The following PABPC4L variants were observed in gnomAD, a reference collection of about 807,000 sequenced individuals.
The protein encoded by PABPC4L is poly(A) binding protein cytoplasmic 4 like.
For missense variants in PABPC4L, 452 were observed against 451.4 expected (o/e 1.00, Z -0.01); for synonymous variants, 169 against 164.1 (o/e 1.03, Z -0.23).
chr4:134,101,621 T>C, the PABPC4L span, among the ~76,000 whole-genome samples: 1 of 151,452 alleles, frequency 6.6e-6, no homozygotes, highest in Admixed American at 6.6e-5. Flanking sequence ...ATAGGCAACA[T>C]TTTTCTTTTT....
chr4:134,144,263 T>C, the PABPC4L span, among the ~76,000 whole-genome samples: 2 of 151,534 alleles, frequency 1.3e-5, no homozygotes, highest in East Asian at 1.9e-4. Context: ...ACTGAACAAT[T>C]GTGGTAGGCA....
At chr4:133,984,295 G>C in the PABPC4L span, among the ~76,000 whole-genome samples, 16 of 151,836 alleles carry the variant, frequency 1.1e-4, no homozygotes, top group African/African-American at 3.6e-4. Context: ...TACAGTATTG[G>C]AAGAGAGACA....
the PABPC4L span, among the ~76,000 whole-genome samples, chr4:134,115,336 A>C: frequency 2.0e-5 from 3 of 151,812 alleles, no homozygotes; most frequent in South Asian, 6.2e-4. Flanking sequence ...TAGTCAATTA[A>C]ATAAGTGATG....
At position 134,197,408 on chromosome 4, in the gene PABPC4L, A is replaced by G. The variant is rs1364028597; in HGVS notation, c.*2499T>C. The stretch of plus-strand genomic sequence containing the variant: ...ACAGATAAATTGTGTGGGTGTATAT[A>G]TATTTGTGTGAATATATGTATTTAA... On this transcript the variant is annotated 3_prime_UTR_variant, in exon 2 of 2. Coordinates refer to ENST00000421491, the MANE Select transcript of PABPC4L (RefSeq NM_001114734.2). 6.6e-6 allele frequency: 1 copy of G among 151,754 alleles called. No homozygotes were observed. The highest frequency in any genetic ancestry group is 2.4e-5 in the African/African-American group (1 of 41,434). The allele number at this position is 151,754 out of a possible 1,614,324, so 9.4% of individuals were successfully genotyped here.
chr4:134,062,724 A>C, the PABPC4L span, among the ~76,000 whole-genome samples: 1 of 152,102 alleles, frequency 6.6e-6, no homozygotes, highest in Non-Finnish European at 1.5e-5. Flanking sequence ...TTATAAAAAT[A>C]ATTCAGTGAT....
At chr4:134,020,188 T>G in the PABPC4L span, among the ~76,000 whole-genome samples, 1 of 152,098 alleles carries the variant, frequency 6.6e-6, no homozygotes, top group East Asian at 1.9e-4. Flanking sequence ...AAAGGCAAGT[T>G]TATTAAGAAA....
chr4:134,168,463 G>T, the PABPC4L span, among the ~76,000 whole-genome samples: 2 of 151,328 alleles, frequency 1.3e-5, no homozygotes, highest in South Asian at 2.1e-4. Flanking sequence ...CAAAAAAATT[G>T]CAAATGAAAG....
At chr4:134,094,929 T>G in the PABPC4L span, among the ~76,000 whole-genome samples, 5 of 151,838 alleles carry the variant, frequency 3.3e-5, no homozygotes, top group East Asian at 9.8e-4. Flanking sequence ...TGCTAACGTG[T>G]TTTTTAAAAT....
the PABPC4L span, among the ~76,000 whole-genome samples, chr4:134,145,950 A>G: frequency 1.6e-3 from 247 of 152,042 alleles, 1 homozygote; most frequent in Middle Eastern, 3.4e-3. Context: ...TCACCTCACA[A>G]TGTGTTGAAT....
the PABPC4L span, among the ~76,000 whole-genome samples, chr4:134,012,503 C>T: frequency 1.3e-5 from 2 of 152,168 alleles, no homozygotes; most frequent in African/African-American, 2.4e-5. Context: ...AACGGTCCCA[C>T]CTCTATCTCC....
At chr4:134,108,867 G>A in the PABPC4L span, among the ~76,000 whole-genome samples, 1 of 151,820 alleles carries the variant, frequency 6.6e-6, no homozygotes, top group Admixed American at 6.6e-5. Context: ...TTTTATATAG[G>A]TATTTATATA....
the PABPC4L span, among the ~76,000 whole-genome samples, chr4:134,157,217 A>T: frequency 1.3e-5 from 2 of 150,972 alleles, no homozygotes; most frequent in Non-Finnish European, 3.0e-5. Flanking sequence ...TTTGTTTTCA[A>T]ATTTGTTACA....
Position 134,201,195 on chromosome 4 carries a change from C to T in PABPC4L, c.-176G>A. On this transcript the variant is annotated 5_prime_UTR_variant, in exon 2 of 2. Coordinates refer to ENST00000421491, the MANE Select transcript of PABPC4L (RefSeq NM_001114734.2). The stretch of plus-strand genomic sequence containing the variant: ...CCCCAGCTCAGGCAACACCCTCATC[C>T]AAAAGTCCCCACAGCCACCAATCTG... 1 of 1,546,254 alleles carries T rather than the reference C, an allele frequency of 6.5e-7. No individual in the cohort carries two copies. The highest frequency in any genetic ancestry group is 8.7e-7 in the Non-Finnish European group (1 of 1,144,836).
At chr4:134,099,830 G>T in the PABPC4L span, among the ~76,000 whole-genome samples, 1 of 151,664 alleles carries the variant, frequency 6.6e-6, no homozygotes, top group Non-Finnish European at 1.5e-5. Flanking sequence ...AGTGTTCTGG[G>T]TTGCTGCCAT....
chr4:134,172,688 T>G, the PABPC4L span, among the ~76,000 whole-genome samples: 1 of 151,976 alleles, frequency 6.6e-6, no homozygotes, highest in Non-Finnish European at 1.5e-5. Flanking sequence ...AAAAAGCTTC[T>G]GCACAGTAAA....
chr4:134,132,649 G>A, the PABPC4L span, among the ~76,000 whole-genome samples: 21 of 151,556 alleles, frequency 1.4e-4, no homozygotes, highest in East Asian at 1.9e-3. Flanking sequence ...GGAAAAGTGC[G>A]TAAATTCTTT....
At chr4:134,001,420 A>C in the PABPC4L span, among the ~76,000 whole-genome samples, 1 of 152,098 alleles carries the variant, frequency 6.6e-6, no homozygotes, top group African/African-American at 2.4e-5. Context: ...GTAATTAGTC[A>C]GATGGTATTC....
chr4:134,037,931 C>A, the PABPC4L span, among the ~76,000 whole-genome samples: 2 of 152,066 alleles, frequency 1.3e-5, no homozygotes, highest in Non-Finnish European at 2.9e-5. Context: ...CCAGTTTTTG[C>A]CCATTCAGTA....
At chr4:133,996,869 G>A in the PABPC4L span, among the ~76,000 whole-genome samples, 7 of 151,782 alleles carry the variant, frequency 4.6e-5, no homozygotes, top group East Asian at 1.9e-4. Context: ...TAACATTGTC[G>A]ACCCCCTAGT....
Sources: gnomAD v4.1 joint callset for allele counts (sites outside exome capture counted in the v4.1 genomes callset) on GRCh38, gnomAD v4.1.1 for gene constraint, MANE v1.5 for transcripts, NCBI Gene and HGNC (gene_info 2026-07-23, HGNC 2026-07-21) for gene names.